The following PLEKHG7 variants were observed in gnomAD, a reference collection of about 807,000 sequenced individuals.
PLEKHG7 encodes pleckstrin homology and RhoGEF domain containing G7, also known as pleckstrin homology domain-containing family G member 7.
In PLEKHG7, 77 loss-of-function variants were observed where a neutral mutation model predicts 85.2. The ratio of observed to expected loss-of-function variants is 0.90; its 90% CI spans 0.75 to 1.09. The LOEUF (loss-of-function observed/expected upper bound fraction) is 1.09, where lower values mean the gene tolerates loss of function less well. Among genes scored for constraint, PLEKHG7 ranks in the 50% least tolerant of loss-of-function variants. The probability of loss-of-function intolerance (pLI) is 0.00; values close to 1 mark genes in which losing one functional copy is unlikely to be tolerated. For missense variants in PLEKHG7, 777 were observed against 804.3 expected (o/e 0.97, Z 0.41); for synonymous variants, 301 against 302.4 (o/e 1.00, Z 0.05).
In PLEKHG7 at chr12:92,764,114, G is replaced by T; in HGVS notation, c.1790G>T (p.Gly597Val). ...GAGTTGCAAGCAGTAATAAAAGAGGGTGGTTCGTGTACAGTACTCGATCAG... is the reference window on the plus strand; with the variant it reads ...GAGTTGCAAGCAGTAATAAAAGAGGTTGGTTCGTGTACAGTACTCGATCAG... Reference protein sequence around the residue: ...TPELQAVIKEGGSCTVLDQPI... With the variant: ...TPELQAVIKEVGSCTVLDQPI... The change falls in exon 15 of 17, where the codon GGT becomes GTT. Residue 597 changes from glycine to valine, a missense_variant. Around this residue, in one of 3 missense-constraint regions of PLEKHG7, gnomAD observed 520 missense variants for 544.0 expected, o/e 0.96. Transcript: ENST00000344636. 1 of 1,613,018 alleles carries T rather than the reference G, an allele frequency of 6.2e-7. No individual in the cohort carries two copies.
At chr12:92,726,947 A>T (rs890158415) in intron 3 of PLEKHG7, among the ~76,000 whole-genome samples, 7 of 152,198 alleles carry the variant, frequency 4.6e-5, no homozygotes, top group Non-Finnish European at 8.8e-5. Flanking sequence ...CTGAGGCAGT[A>T]TGCATGATTT....
chr12:92,719,738 C>T (rs1229923067), intron 3 of PLEKHG7, among the ~76,000 whole-genome samples: 1 of 152,164 alleles, frequency 6.6e-6, no homozygotes, highest in Middle Eastern at 3.2e-3. Flanking sequence ...GTCTGCTGCA[C>T]AGAAGGAATC....
At chr12:92,723,627 T>A (rs1871707504) in intron 3 of PLEKHG7, among the ~76,000 whole-genome samples, 1 of 152,144 alleles carries the variant, frequency 6.6e-6, no homozygotes, top group African/African-American at 2.4e-5. Flanking sequence ...TCACACAATA[T>A]TATTATTGTC....
chr12:92,757,318 A>T (rs1872863132), intron 13 of PLEKHG7, among the ~76,000 whole-genome samples: 1 of 152,234 alleles, frequency 6.6e-6, no homozygotes, highest in Non-Finnish European at 1.5e-5. Flanking sequence ...CCTGGCTGAA[A>T]TAAGGTTTTA....
intron 5 of PLEKHG7, among the ~76,000 whole-genome samples, 157 bp from the exon 6 acceptor site, chr12:92,736,325 C>T (rs1872146968): frequency 6.6e-6 from 1 of 152,010 alleles, no homozygotes; most frequent in South Asian, 2.1e-4. Flanking sequence ...CCTACTAGAG[C>T]TCAGAAATGG....
chr12:92,719,225 T>C (rs576455919), intron 3 of PLEKHG7, among the ~76,000 whole-genome samples: 42 of 152,342 alleles, frequency 2.8e-4, no homozygotes, highest in African/African-American at 9.4e-4. Flanking sequence ...AGTACAGTTG[T>C]CATTTCTCTT....
chr12:92,723,044 A>T, intron 3 of PLEKHG7, among the ~76,000 whole-genome samples: 1 of 152,186 alleles, frequency 6.6e-6, no homozygotes, highest in African/African-American at 2.4e-5. Context: ...TTAAAGATGA[A>T]TACAAGTTTT....
chr12:92,749,181 C>T (rs1311750597), intron 10 of PLEKHG7, among the ~76,000 whole-genome samples: 2 of 152,172 alleles, frequency 1.3e-5, no homozygotes, highest in African/African-American at 4.8e-5. Flanking sequence ...TAAATTTACC[C>T]TCCACACCAC....
At chr12:92,769,809 CTAA>C (rs1228112407) in intron 16 of PLEKHG7, among the ~76,000 whole-genome samples, 1 of 152,136 alleles carries the variant, frequency 6.6e-6, no homozygotes, top group African/African-American at 2.4e-5. Context: ...GCTCATTTTT[CTAA>C]TGAGTTATCA....
intron 3 of PLEKHG7, among the ~76,000 whole-genome samples, chr12:92,710,185 T>C (rs181758958): frequency 5.8e-4 from 88 of 152,310 alleles, no homozygotes; most frequent in African/African-American, 2.0e-3. Flanking sequence ...CTGTGAATCC[T>C]GGCTATGGGA....
intron 14 of PLEKHG7, 85 bp from the exon 15 acceptor site, chr12:92,763,956 A>C: frequency 1.7e-6 from 2 of 1,173,772 alleles, no homozygotes; most frequent in Non-Finnish European, 2.3e-6. Flanking sequence ...TGTTTCTCAG[A>C]ATCTATTTGC....
At chr12:92,742,519 G>T (rs1007238986) in intron 9 of PLEKHG7, among the ~76,000 whole-genome samples, 1 of 151,890 alleles carries the variant, frequency 6.6e-6, no homozygotes, top group Non-Finnish European at 1.5e-5. Context: ...AAAATAAGCT[G>T]CAAGATCCTT....
chr12:92,757,713 G>A (rs992969772), intron 13 of PLEKHG7, among the ~76,000 whole-genome samples: 1 of 152,160 alleles, frequency 6.6e-6, no homozygotes, highest in Non-Finnish European at 1.5e-5. Context: ...GTGGGTAAAT[G>A]ACCGAGTACC....
At chr12:92,766,449 T>TG (rs1408597612) in intron 15 of PLEKHG7, among the ~76,000 whole-genome samples, 1 of 152,086 alleles carries the variant, frequency 6.6e-6, no homozygotes, top group Non-Finnish European at 1.5e-5. Context: ...CTTTAAGACT[T>TG]GAACTTTATG....
At chr12:92,751,477 C>A (rs1307183778) in intron 10 of PLEKHG7, among the ~76,000 whole-genome samples, 1 of 152,146 alleles carries the variant, frequency 6.6e-6, no homozygotes, top group African/African-American at 2.4e-5. Context: ...GCAATTCTCC[C>A]ACCTCAGCTT....
At chr12:92,721,702 C>CAAAAAAAAAAAAAA (rs71069170) in intron 3 of PLEKHG7, among the ~76,000 whole-genome samples, 3 of 43,366 alleles carry the variant, frequency 6.9e-5, no homozygotes, top group Non-Finnish European at 8.7e-5. Flanking sequence ...AGCATAAAAC[C>CAAAAAAAAAAAAAA]AAAAAAAAAA....
chr12:92,752,461 G>A (rs60069220), intron 10 of PLEKHG7, among the ~76,000 whole-genome samples: 22,480 of 152,060 alleles, frequency 0.15, 2,029 homozygotes, highest in African/African-American at 0.25. Context: ...AAATATCTAG[G>A]GGAGGAGTTT....
chr12:92,737,745 GAGGGAGGA>G (rs796157757), intron 7 of PLEKHG7, among the ~76,000 whole-genome samples: 6,876 of 52,732 alleles, frequency 0.13, 548 homozygotes, highest in African/African-American at 0.29. Context: ...GGAAGGGAGG[GAGGGAGGA>G]AGGAAGGAAG....
intron 5 of PLEKHG7, 76 bp downstream of exon 5, chr12:92,732,349 C>T (rs1443133696): frequency 7.1e-6 from 6 of 845,074 alleles, no homozygotes; most frequent in African/African-American, 5.3e-5. Context: ...GCTGAAGAGT[C>T]TCTTCATTCT....
Sources: gnomAD v4.1 joint callset for allele counts (sites outside exome capture counted in the v4.1 genomes callset) on GRCh38, gnomAD v4.1.1 for gene constraint, gnomAD v4.1.1 regional missense constraint, MANE v1.5 for transcripts, NCBI Gene and HGNC (gene_info 2026-07-23, HGNC 2026-07-21) for gene names.